RARB: variants seen among roughly 807,000 people sequenced by gnomAD.
RARB encodes HBV-activated protein.
Under a neutral mutation model 51.9 loss-of-function variants are expected in RARB, and 17 were observed. That is an observed-to-expected ratio of 0.33 (90% CI 0.22 to 0.49). The LOEUF is 0.49. Among genes scored for constraint, RARB ranks in the 20% least tolerant of loss-of-function variants. The pLI is 0.99. For synonymous variants in RARB, 215 were observed against 195.4 expected (o/e 1.10, Z -0.84); for missense variants, 369 against 550.8 (o/e 0.67, Z 3.30).
At chr3:25,177,821 C>T (rs1700786528) in intron 5 of RARB, among the ~76,000 whole-genome samples, 1 of 152,114 alleles carries the variant, frequency 6.6e-6, no homozygotes, top group African/African-American at 2.4e-5. Flanking sequence ...AGTCATTTAA[C>T]CTCTCTGAAT....
At chr3:24,847,330 C>T (rs1043019805) in intron 1 of RARB, among the ~76,000 whole-genome samples, 1 of 152,144 alleles carries the variant, frequency 6.6e-6, no homozygotes, top group Admixed American at 6.5e-5. Flanking sequence ...GTCTTGTTTC[C>T]GCTCAGTTTC....
At chr3:25,490,082 T>C (rs967212724) in intron 2 of RARB, among the ~76,000 whole-genome samples, 4 of 152,196 alleles carry the variant, frequency 2.6e-5, no homozygotes, top group African/African-American at 9.6e-5. Context: ...ATCCCTGTTA[T>C]TTTTCAGTTG....
intron 3 of RARB, among the ~76,000 whole-genome samples, chr3:25,093,872 C>G (rs1303468628): frequency 6.6e-6 from 1 of 152,170 alleles, no homozygotes; most frequent in Non-Finnish European, 1.5e-5. Flanking sequence ...ACCCCTTTCT[C>G]TTTGCTCAAA....
At chr3:24,912,971 G>A (rs1158184766) in intron 2 of RARB, among the ~76,000 whole-genome samples, 2 of 55,414 alleles carry the variant, frequency 3.6e-5, no homozygotes, top group South Asian at 7.2e-4. Context: ...ACAAGGTACT[G>A]ATTCTTTTTT....
intron 2 of RARB, among the ~76,000 whole-genome samples, chr3:25,036,202 A>G (rs532486413): frequency 6.6e-6 from 1 of 152,284 alleles, no homozygotes; most frequent in Admixed American, 6.5e-5. Context: ...AAGGCCTACT[A>G]TGAAACAAGA....
At chr3:25,566,314 G>A (rs145776115) in intron 3 of RARB, among the ~76,000 whole-genome samples, 1 of 152,312 alleles carries the variant, frequency 6.6e-6, no homozygotes, top group African/African-American at 2.4e-5. Context: ...CATTTTGTGG[G>A]TGTGGAAGAA....
At chr3:25,043,920 A>G (rs1698162245) in intron 2 of RARB, among the ~76,000 whole-genome samples, 1 of 152,210 alleles carries the variant, frequency 6.6e-6, no homozygotes, top group African/African-American at 2.4e-5. Flanking sequence ...GATGCTATTC[A>G]GAAGTACCTC....
intron 4 of RARB, 70 bp from the exon 5 acceptor site, chr3:25,580,476 A>G: frequency 2.2e-6 from 3 of 1,370,954 alleles, no homozygotes. Context: ...AATTGGAAAC[A>G]CATTGAATTT....
At chr3:24,994,496 G>A (rs1696979937) in intron 2 of RARB, among the ~76,000 whole-genome samples, 2 of 151,728 alleles carry the variant, frequency 1.3e-5, no homozygotes, top group East Asian at 3.9e-4. Context: ...GAAGCTTTTT[G>A]GATCGATGTA....
At chr3:24,965,587 A>G (rs1408670387) in intron 2 of RARB, among the ~76,000 whole-genome samples, 1 of 152,182 alleles carries the variant, frequency 6.6e-6, no homozygotes, top group East Asian at 1.9e-4. Context: ...AAAGGTTGCT[A>G]GATGACCTTC....
chr3:24,855,790 C>A (rs1287795517), intron 1 of RARB, among the ~76,000 whole-genome samples: 1 of 146,014 alleles, frequency 6.8e-6, no homozygotes, highest in African/African-American at 2.6e-5. Context: ...CTCTGTCGCC[C>A]AGGCTGGATG....
rs143281358 is a variant in RARB, at chr3:24,941,839, G to C, written c.-380+83087G>C. Among the ~76,000 whole-genome samples the C allele has an allele frequency of 3.1e-4, 47 of 152,276 alleles. 1 individual carries two copies. In the East Asian group the frequency reaches 6.9e-3, roughly 22 times the overall value. On this transcript the variant is annotated intron_variant, in intron 2 of 11. Coordinates refer to the RARB transcript ENST00000383772. Reference sequence around the variant, plus strand: ...AGGATACCAATATCTATAGGAAGTAGCTTGCCCAATTTACAGTTAGGAGGC... The same window carrying C: ...AGGATACCAATATCTATAGGAAGTACCTTGCCCAATTTACAGTTAGGAGGC...
intron 2 of RARB, among the ~76,000 whole-genome samples, chr3:24,912,821 G>A (rs1695018155): frequency 6.6e-6 from 1 of 151,988 alleles, no homozygotes; most frequent in African/African-American, 2.4e-5. Flanking sequence ...CTATCCTTGT[G>A]TATAAGAGAA....
chr3:25,063,725 T>TAAA (rs77878713), intron 3 of RARB, among the ~76,000 whole-genome samples: 17 of 149,434 alleles, frequency 1.1e-4, no homozygotes, highest in East Asian at 2.0e-4. Context: ...TTTTTTTTTT[T>TAAA]AAAAAGATGA....
intron 5 of RARB, among the ~76,000 whole-genome samples, chr3:25,383,964 G>A (rs1706712024): frequency 6.6e-6 from 1 of 151,404 alleles, no homozygotes; most frequent in Non-Finnish European, 1.5e-5. Context: ...TTTTAAATTT[G>A]AATAGCAACA....
chr3:25,017,008 T>G (rs777601123), intron 2 of RARB, among the ~76,000 whole-genome samples: 2 of 152,142 alleles, frequency 1.3e-5, no homozygotes, highest in African/African-American at 2.4e-5. Context: ...TCATTTCCAC[T>G]GTGTATTGTT....
chr3:25,350,434 A>G (rs967743674), intron 5 of RARB, among the ~76,000 whole-genome samples: 1 of 152,120 alleles, frequency 6.6e-6, no homozygotes, highest in Non-Finnish European at 1.5e-5. Flanking sequence ...TTGAGAGGGA[A>G]TTGTTGGAGT....
chr3:25,143,742 T>C (rs940490489), intron 4 of RARB, among the ~76,000 whole-genome samples: 1 of 152,200 alleles, frequency 6.6e-6, no homozygotes, highest in Non-Finnish European at 1.5e-5. Context: ...CTGCTTGAGT[T>C]CAAATGCTGC....
rs191761276 is a variant in RARB, at chr3:25,466,452, T to A, written c.306+5111T>A. ...CTCAGGTGATTCACCCACCTAGGCC[T>A]CCCAAAATGCTGGGATTACAGGCGT... On this transcript the variant is annotated intron_variant, in intron 2 of 7. Coordinates refer to ENST00000330688, the MANE Select transcript of RARB (RefSeq NM_000965.5). Among the ~76,000 whole-genome samples the A allele has an allele frequency of 4.6e-5, 7 of 152,334 alleles. No homozygotes were observed. In the East Asian group the frequency reaches 1.3e-3, roughly 29 times the overall value.
Sources: gnomAD v4.1 joint callset for allele counts (sites outside exome capture counted in the v4.1 genomes callset) on GRCh38, gnomAD v4.1.1 for gene constraint, MANE v1.5 for transcripts, NCBI Gene and HGNC (gene_info 2026-07-23, HGNC 2026-07-21) for gene names.